Variants in CALCRL observed in about 807,000 individuals in gnomAD.
The protein encoded by CALCRL is calcitonin gene-related peptide type 1 receptor.
Under a neutral mutation model 60.4 loss-of-function variants are expected in CALCRL, and 27 were observed. The observed-to-expected ratio is 0.45, with a 90% confidence interval of 0.33 to 0.62. The LOEUF (loss-of-function observed/expected upper bound fraction) is 0.62. Among genes scored for constraint, CALCRL ranks in the 20% least tolerant of loss-of-function variants. The pLI is 0.03. For synonymous variants in CALCRL, 190 were observed against 182.6 expected (o/e 1.04, Z -0.33); for missense variants, 424 against 540.7 (o/e 0.78, Z 2.14).
intron 1 of CALCRL, among the ~76,000 whole-genome samples, chr2:187,445,532 G>T (rs1691137620): frequency 6.6e-6 from 1 of 151,288 alleles, no homozygotes; most frequent in Non-Finnish European, 1.5e-5. Flanking sequence ...TCAAACTTTT[G>T]CCATGTAGAT....
At chr2:187,350,975 A>C (rs1686504529) in intron 14 of CALCRL, among the ~76,000 whole-genome samples, 1 of 151,472 alleles carries the variant, frequency 6.6e-6, no homozygotes, top group Non-Finnish European at 1.5e-5. Flanking sequence ...ACTGAGCTAT[A>C]ACACATTTGT....
At chr2:187,352,657 C>G (rs1171423041) in intron 12 of CALCRL, among the ~76,000 whole-genome samples, 4 of 151,768 alleles carry the variant, frequency 2.6e-5, no homozygotes, top group African/African-American at 9.7e-5. Context: ...GGTCTAAAAA[C>G]TAAAGATTTT....
At chr2:187,368,149 G>T (rs1038601709) in intron 8 of CALCRL, among the ~76,000 whole-genome samples, 8 of 151,978 alleles carry the variant, frequency 5.3e-5, no homozygotes, top group Admixed American at 2.0e-4. Context: ...TACTTCATAG[G>T]ATTGGCTTAA....
At chr2:187,416,969 T>C (rs1325127003) in intron 1 of CALCRL, among the ~76,000 whole-genome samples, 6 of 152,074 alleles carry the variant, frequency 3.9e-5, no homozygotes, top group African/African-American at 1.4e-4. Flanking sequence ...GCACTAAATA[T>C]CCTTTGAGTA....
intron 1 of CALCRL, among the ~76,000 whole-genome samples, chr2:187,393,208 C>A (rs918245066): frequency 2.6e-5 from 4 of 151,968 alleles, no homozygotes; most frequent in Non-Finnish European, 5.9e-5. Flanking sequence ...AATGGCCAGG[C>A]CCCACAAAGG....
chr2:187,438,324 A>G (rs556667437), intron 1 of CALCRL, among the ~76,000 whole-genome samples: 50 of 152,302 alleles, frequency 3.3e-4, no homozygotes, highest in Middle Eastern at 3.4e-3. Flanking sequence ...AACTTCCATA[A>G]CAATACAATG....
intron 12 of CALCRL, among the ~76,000 whole-genome samples, chr2:187,353,353 T>A (rs536267970): frequency 6.6e-6 from 1 of 152,072 alleles, no homozygotes; most frequent in South Asian, 2.1e-4. Flanking sequence ...TGTTTAATAA[T>A]CTTAAATTTT....
chr2:187,398,813 C>T (rs561244729), intron 1 of CALCRL, among the ~76,000 whole-genome samples: 1 of 151,718 alleles, frequency 6.6e-6, no homozygotes, highest in East Asian at 1.9e-4. Context: ...TCCTTCCTAT[C>T]ATACAGAGAA....
intron 8 of CALCRL, among the ~76,000 whole-genome samples, chr2:187,366,491 A>G (rs1158990717): frequency 6.6e-6 from 1 of 152,022 alleles, no homozygotes; most frequent in Non-Finnish European, 1.5e-5. Context: ...ATCACTATGT[A>G]TTGTAGATTT....
chr2:187,424,959 T>A (rs1173946572), intron 1 of CALCRL, among the ~76,000 whole-genome samples: 2 of 151,960 alleles, frequency 1.3e-5, no homozygotes, highest in East Asian at 1.9e-4. Flanking sequence ...TGTCATTTTT[T>A]AAAAAATAAA....
At chr2:187,439,219 A>C (rs1375843827) in intron 1 of CALCRL, among the ~76,000 whole-genome samples, 1 of 152,156 alleles carries the variant, frequency 6.6e-6, no homozygotes, top group Non-Finnish European at 1.5e-5. Flanking sequence ...GCAGTGGCTC[A>C]CACCTGTAAT....
chr2:187,368,640 A>C (rs1022212322), intron 8 of CALCRL, among the ~76,000 whole-genome samples: 1 of 152,122 alleles, frequency 6.6e-6, no homozygotes, highest in Non-Finnish European at 1.5e-5. Context: ...GACATGAGCT[A>C]AAAACTTCCA....
rs1686410198 is a variant in CALCRL at position 187,349,099 on chromosome 2, T to A, written c.1171-2700A>T. ...ATTCTACGTAGTTCTCATGAAAGAA[T>A]TTGGGTTTAATTGTCTGTCCTCAAC... On this transcript the variant is annotated intron_variant, in intron 14 of 14. Coordinates refer to ENST00000392370, the MANE Select transcript of CALCRL (RefSeq NM_005795.6). Among the ~76,000 whole-genome samples, 8 of 151,616 alleles carry A rather than the reference T, an allele frequency of 5.3e-5. No homozygotes were observed. In the Admixed American group the frequency reaches 5.3e-4, roughly 10 times the overall value.
At chr2:187,395,376 T>G (rs1482571051) in intron 1 of CALCRL, among the ~76,000 whole-genome samples, 3 of 152,110 alleles carry the variant, frequency 2.0e-5, no homozygotes, top group Non-Finnish European at 2.9e-5. Flanking sequence ...TCCCAACAAT[T>G]TCTTCTTTTC....
intron 1 of CALCRL, among the ~76,000 whole-genome samples, chr2:187,411,453 G>A (rs925884391): frequency 6.6e-6 from 1 of 151,922 alleles, no homozygotes; most frequent in African/African-American, 2.4e-5. Flanking sequence ...CAATATATAA[G>A]GTAGCAAATG....
intron 1 of CALCRL, chr2:187,436,487 A>G (rs1392294051): frequency 6.6e-6 from 1 of 152,192 alleles, no homozygotes; most frequent in Non-Finnish European, 1.5e-5. Flanking sequence ...TCAATCCTGA[A>G]ACACAAGTCA....
At chr2:187,414,379 T>G (rs1689502503) in intron 1 of CALCRL, among the ~76,000 whole-genome samples, 1 of 152,112 alleles carries the variant, frequency 6.6e-6, no homozygotes, top group African/African-American at 2.4e-5. Context: ...TAAAAATAAC[T>G]TTAAATTTAA....
In CALCRL at chr2:187,344,724, GTA is replaced by G. The variant is rs1444788261; in HGVS notation, c.*1458_*1459del. On this transcript the variant is annotated 3_prime_UTR_variant, in exon 15 of 15. Coordinates refer to ENST00000392370, the MANE Select transcript of CALCRL (RefSeq NM_005795.6). ...TTAAAATATTAAAGCATTGTATATG[GTA>G]TATATAGTATCCTTCTAGTTTTTTA... is the stretch of plus-strand genomic sequence containing the variant. 1.3e-5 allele frequency: 2 copies of G among 151,526 alleles called. No homozygotes were observed. The highest frequency in any genetic ancestry group is 3.0e-5 in the Non-Finnish European group (2 of 67,700). 9.4% of individuals were successfully genotyped at this position (151,526 alleles called of 1,614,324 possible). A position where few individuals can be genotyped will look rare whatever the true frequency, so the allele number is the denominator to read the frequency against.
intron 6 of CALCRL, 46 bp from the exon 7 acceptor site, chr2:187,380,625 G>C (rs1216863653): frequency 2.9e-5 from 46 of 1,572,836 alleles, no homozygotes; most frequent in Non-Finnish European, 3.9e-5. Context: ...AATTAACCTA[G>C]GATTTATTAA....
Sources: gnomAD v4.1 joint callset for allele counts (sites outside exome capture counted in the v4.1 genomes callset) on GRCh38, gnomAD v4.1.1 for gene constraint, MANE v1.5 for transcripts, NCBI Gene and HGNC (gene_info 2026-07-23, HGNC 2026-07-21) for gene names.